The following RGS18 variants were observed in gnomAD, a reference collection of about 807,000 sequenced individuals.
The protein encoded by RGS18 is regulator of G-protein signaling 18.
RGS18 carries 22 observed loss-of-function variants against 27.6 expected under a neutral mutation model. That is an observed-to-expected ratio of 0.80 (90% CI 0.57 to 1.14). RGS18 has a LOEUF of 1.14. Among genes scored for constraint, RGS18 ranks in the 50% most tolerant of loss-of-function variants. RGS18 has a pLI of 0.00. For synonymous variants in RGS18, 89 were observed against 84.6 expected, an observed-to-expected ratio of 1.05 and a Z score of -0.29; for missense variants, 299 against 269.6, an observed-to-expected ratio of 1.11 and a Z score of -0.76.
chr1:192,162,337 C>T (rs1656088616), intron 3 of RGS18, among the ~76,000 whole-genome samples: 1 of 151,992 alleles, frequency 6.6e-6, no homozygotes. Context: ...GAGACAGAGT[C>T]TTGCTCTGTA....
At chr1:192,181,768 C>T (rs1025138596) in intron 4 of RGS18, among the ~76,000 whole-genome samples, 1 of 151,410 alleles carries the variant, frequency 6.6e-6, no homozygotes, top group Admixed American at 6.6e-5. Flanking sequence ...ACTATAATCA[C>T]CTATTAGGTA....
In RGS18 at chr1:192,185,487, C is replaced by T. The variant is rs138279655; in HGVS notation, c.*933C>T. The T allele has an allele frequency of 2.0e-5, 3 of 151,616 alleles. No individual in the cohort carries two copies. The highest frequency in any genetic ancestry group is 3.9e-4 in the East Asian group (2 of 5,130). 9.4% of individuals were successfully genotyped at this position (151,616 alleles called of 1,614,324 possible). A position where few individuals can be genotyped will look rare whatever the true frequency, so the allele number is the denominator to read the frequency against. Reference sequence around the variant, plus strand: ...AGAAGCAAGGAGTCTAAGGCCCTAGCGATTTGGGCATCTGCCACATTGGTT... The same window carrying T: ...AGAAGCAAGGAGTCTAAGGCCCTAGTGATTTGGGCATCTGCCACATTGGTT... On this transcript the variant is annotated 3_prime_UTR_variant, in exon 5 of 5. Coordinates refer to ENST00000367460, the MANE Select transcript of RGS18 (RefSeq NM_130782.3).
intron 1 of RGS18, among the ~76,000 whole-genome samples, chr1:192,159,014 A>G (rs1272212500): frequency 3.9e-5 from 6 of 152,196 alleles, no homozygotes; most frequent in Non-Finnish European, 5.9e-5. Flanking sequence ...TATAATCTCA[A>G]ATACTTGATT....
intron 3 of RGS18, among the ~76,000 whole-genome samples, chr1:192,166,526 A>G (rs1656165679): frequency 6.6e-6 from 1 of 152,268 alleles, no homozygotes; most frequent in Admixed American, 6.5e-5. Context: ...TGCATGTAAT[A>G]TAGACTACCT....
chr1:192,166,895 C>G (rs904917159), intron 3 of RGS18, among the ~76,000 whole-genome samples: 2 of 152,138 alleles, frequency 1.3e-5, no homozygotes, highest in South Asian at 4.1e-4. Flanking sequence ...ATTTTCTAAC[C>G]AGCTCACATT....
At chr1:192,161,634 AAATAC>A (rs1656075235) in intron 3 of RGS18, 1 of 152,016 alleles carries the variant, frequency 6.6e-6, no homozygotes, top group Non-Finnish European at 1.5e-5. Context: ...TTAGTCTTTG[AAATAC>A]AATCATTTCC....
intron 2 of RGS18, among the ~76,000 whole-genome samples, chr1:192,159,555 C>G (rs1465753358): frequency 6.6e-6 from 1 of 152,096 alleles, no homozygotes; most frequent in Non-Finnish European, 1.5e-5. Flanking sequence ...AAATTATATA[C>G]CTGTCAGTTT....
Position 192,185,398 on chromosome 1 carries a change from T to C in RGS18, c.*844T>C, listed in dbSNP as rs1341654402. ...TTGAATAAAAACCAGAGAAGGTTTTTCCCAGGACGTCTCATGTTTGGCCCT... is the reference window on the plus strand; with the variant it reads ...TTGAATAAAAACCAGAGAAGGTTTTCCCCAGGACGTCTCATGTTTGGCCCT... On this transcript the variant is annotated 3_prime_UTR_variant, in exon 5 of 5. Transcript: ENST00000367460. The C allele has an allele frequency of 6.6e-6, 1 of 151,566 alleles. No homozygotes were observed. Among genetic ancestry groups the C allele is most frequent in the African/African-American group, 2.4e-5 (1 of 41,350 alleles). 9.4% of individuals were successfully genotyped at this position (151,566 alleles called of 1,614,324 possible).
chr1:192,178,019 A>G (rs1157239670), intron 3 of RGS18, among the ~76,000 whole-genome samples: 1 of 151,680 alleles, frequency 6.6e-6, no homozygotes, highest in Non-Finnish European at 1.5e-5. Context: ...AGGTTTTTAT[A>G]ATAATTTGTG....
chr1:192,181,412 C>T lies in RGS18; in HGVS notation c.404C>T (p.Ala135Val), dbSNP rs1451537875. The T allele has an allele frequency of 1.9e-6, 3 of 1,586,212 alleles. No homozygotes were observed. The highest frequency in any genetic ancestry group is 2.6e-6 in the Non-Finnish European group (3 of 1,168,494). ...GGACCTCAACAAATTCACCTTAAAG[C>T]AAAAGCAATATATGAGAAATTTATA... Reference protein sequence around the residue: ...SKGPQQIHLKAKAIYEKFIQT... With the variant: ...SKGPQQIHLKVKAIYEKFIQT... Residue 135 changes from alanine (A) to valine (V), a missense_variant, in exon 4 of 5, where the codon GCA becomes GTA. Coordinates refer to ENST00000367460, the MANE Select transcript of RGS18 (RefSeq NM_130782.3).
intron 4 of RGS18, among the ~76,000 whole-genome samples, chr1:192,181,711 A>G (rs868647758): frequency 6.6e-6 from 1 of 151,684 alleles, no homozygotes. Context: ...ATAATATTCA[A>G]TATGTTCTTT....
intron 4 of RGS18, among the ~76,000 whole-genome samples, chr1:192,183,514 T>C (rs1656491085): frequency 6.6e-6 from 1 of 151,608 alleles, no homozygotes; most frequent in African/African-American, 2.4e-5. Flanking sequence ...CAGTTCAATA[T>C]TGCATTATTC....
intron 1 of RGS18, among the ~76,000 whole-genome samples, chr1:192,158,989 C>T (rs540648833): frequency 1.3e-4 from 20 of 152,054 alleles, no homozygotes; most frequent in African/African-American, 4.1e-4. Context: ...GGAACTAGTG[C>T]AATCTTTATT....
intron 1 of RGS18, 67 bp downstream of exon 1, chr1:192,158,823 A>G: frequency 9.1e-7 from 1 of 1,104,562 alleles, no homozygotes; most frequent in Admixed American, 2.6e-5. Context: ...AAGATTCATT[A>G]CCTCTTGTTT....
chr1:192,158,823 A>C, intron 1 of RGS18, 67 bp downstream of exon 1: 3 of 1,104,562 alleles, frequency 2.7e-6, no homozygotes, highest in Non-Finnish European at 3.9e-6. Flanking sequence ...AAGATTCATT[A>C]CCTCTTGTTT....
intron 4 of RGS18, among the ~76,000 whole-genome samples, chr1:192,182,389 G>A (rs771930763): frequency 2.6e-4 from 39 of 151,554 alleles, no homozygotes; most frequent in East Asian, 9.8e-4. Context: ...CATTCTAACC[G>A]AAGTGAGTTG....
chr1:192,181,417 G>T lies in RGS18; in HGVS notation c.409G>T (p.Ala137Ser). 4 of 1,584,030 alleles carry T rather than the reference G, an allele frequency of 2.5e-6. No individual in the cohort carries two copies. Among genetic ancestry groups the T allele is most frequent in the Non-Finnish European group, 3.4e-6 (4 of 1,167,748 alleles). Residue 137 changes from alanine (A) to serine (S), a missense_variant, in exon 4 of 5, where the codon GCA (alanine) becomes TCA (serine). Coordinates refer to ENST00000367460, the MANE Select transcript of RGS18 (RefSeq NM_130782.3). ...GPQQIHLKAK[A>S]IYEKFIQTDA... ...TCAACAAATTCACCTTAAAGCAAAA[G>T]CAATATATGAGAAATTTATACAGAC... is the stretch of plus-strand genomic sequence containing the variant.
At chr1:192,166,589 A>C (rs1401601378) in intron 3 of RGS18, among the ~76,000 whole-genome samples, 2 of 152,194 alleles carry the variant, frequency 1.3e-5, no homozygotes, top group East Asian at 3.8e-4. Flanking sequence ...CTTAGAAAAA[A>C]AAAATGGATA....
At chr1:192,159,555 C>A (rs1465753358) in intron 2 of RGS18, among the ~76,000 whole-genome samples, 1 of 152,096 alleles carries the variant, frequency 6.6e-6, no homozygotes, top group Non-Finnish European at 1.5e-5. Flanking sequence ...AAATTATATA[C>A]CTGTCAGTTT....
Sources: allele counts gnomAD v4.1 joint callset (sites outside exome capture counted in the v4.1 genomes callset), GRCh38; gene constraint gnomAD v4.1.1; transcripts MANE v1.5; gene names NCBI Gene and HGNC (gene_info 2026-07-23, HGNC 2026-07-21).